Variants in IFTAP observed in about 807,000 individuals in gnomAD.
IFTAP encodes the protein intraflagellar transport-associated protein.
In IFTAP, 19 loss-of-function variants were observed where a neutral mutation model predicts 19.4. That is an observed-to-expected ratio of 0.98 (90% CI 0.68 to 1.44). The LOEUF is 1.44. Ranked by LOEUF, IFTAP falls within the 40% of genes most tolerant of loss-of-function variation. IFTAP has a pLI of 0.00. For missense variants in IFTAP, 240 were observed against 253.6 expected (o/e 0.95, Z 0.36); for synonymous variants, 85 against 83.5 (o/e 1.02, Z -0.10).
At chr11:36,608,384 T>C (rs1402726958) in intron 1 of IFTAP, among the ~76,000 whole-genome samples, 3 of 152,232 alleles carry the variant, frequency 2.0e-5, no homozygotes, top group Non-Finnish European at 2.9e-5. Context: ...TTGTTTCAGA[T>C]AGAAGGAAGC....
At chr11:36,610,534 C>T (rs996212151) in intron 2 of IFTAP, among the ~76,000 whole-genome samples, 1 of 151,918 alleles carries the variant, frequency 6.6e-6, no homozygotes, top group East Asian at 1.9e-4. Context: ...AAGCCAAATG[C>T]AAAGAGTGGA....
Position 36,633,446 on chromosome 11 carries a change from C to A in IFTAP, c.291+8C>A. Reference sequence around the variant, plus strand: ...CAATGTTTGGAAGAACAGGTAATACCAACATAGTACATGTATAGAAACAAT... The same window carrying A: ...CAATGTTTGGAAGAACAGGTAATACAAACATAGTACATGTATAGAAACAAT... On this transcript the variant is annotated splice_region_variant and intron_variant, in intron 3 of 5. Coordinates refer to ENST00000334307, the MANE Select transcript of IFTAP (RefSeq NM_138787.4). 1 of 1,550,482 alleles carries A rather than the reference C, an allele frequency of 6.4e-7. No homozygotes were observed. The highest frequency in any genetic ancestry group is 8.7e-7 in the Non-Finnish European group (1 of 1,151,038).
At chr11:36,620,452 C>T (rs1290693176) in intron 2 of IFTAP, among the ~76,000 whole-genome samples, 1 of 151,966 alleles carries the variant, frequency 6.6e-6, no homozygotes, top group Non-Finnish European at 1.5e-5. Context: ...TTATGAAACA[C>T]ACAAAAATTG....
chr11:36,600,180 T>C (rs1216766380), intron 1 of IFTAP, among the ~76,000 whole-genome samples: 1 of 152,212 alleles, frequency 6.6e-6, no homozygotes, highest in Non-Finnish European at 1.5e-5. Flanking sequence ...TGAAACTAAA[T>C]ATAAAATAGT....
At chr11:36,635,766 A>C (rs574957033) in intron 3 of IFTAP, among the ~76,000 whole-genome samples, 2 of 152,332 alleles carry the variant, frequency 1.3e-5, no homozygotes, top group African/African-American at 4.8e-5. Flanking sequence ...ATCTGGAACA[A>C]AGTCCCTTTT....
At chr11:36,652,833 C>T (rs573912175) in intron 5 of IFTAP, among the ~76,000 whole-genome samples, 2 of 152,106 alleles carry the variant, frequency 1.3e-5, no homozygotes, top group African/African-American at 4.8e-5. Flanking sequence ...ACTGGTTCTA[C>T]ACACATACAT....
chr11:36,642,596 C>T (rs770363988), intron 4 of IFTAP, among the ~76,000 whole-genome samples: 2 of 152,054 alleles, frequency 1.3e-5, no homozygotes, highest in Non-Finnish European at 2.9e-5. Flanking sequence ...AACATCGATG[C>T]AAAAATCCTC....
At chr11:36,624,372 G>A (rs1423872058) in intron 2 of IFTAP, among the ~76,000 whole-genome samples, 1 of 152,196 alleles carries the variant, frequency 6.6e-6, no homozygotes, top group Non-Finnish European at 1.5e-5. Context: ...TCAATGAGAT[G>A]TGAGGGGCAC....
At chr11:36,640,966 G>T (rs116408946) in intron 4 of IFTAP, among the ~76,000 whole-genome samples, 1,876 of 152,248 alleles carry the variant, frequency 0.012, 33 homozygotes, top group African/African-American at 0.043. Flanking sequence ...CAAGTTTTCA[G>T]AATGCTCATG....
intron 4 of IFTAP, among the ~76,000 whole-genome samples, chr11:36,646,706 G>A (rs142108519): frequency 1.5e-4 from 23 of 152,272 alleles, no homozygotes; most frequent in African/African-American, 4.8e-4. Flanking sequence ...CAGCTCTGCC[G>A]TTTTTAGCTG....
intron 4 of IFTAP, among the ~76,000 whole-genome samples, chr11:36,640,187 A>T (rs953207627): frequency 3.3e-5 from 5 of 152,176 alleles, no homozygotes; most frequent in Admixed American, 6.5e-5. Context: ...TTGGCAGGTC[A>T]TGTGTTGATG....
intron 5 of IFTAP, among the ~76,000 whole-genome samples, chr11:36,654,083 T>C (rs1323783989): frequency 1.3e-5 from 2 of 152,298 alleles, no homozygotes; most frequent in East Asian, 3.9e-4. Context: ...TATGTCTCTC[T>C]TTTCATCCAG....
intron 2 of IFTAP, among the ~76,000 whole-genome samples, chr11:36,631,332 A>G (rs1041158947): frequency 6.6e-6 from 1 of 151,342 alleles, no homozygotes; most frequent in African/African-American, 2.5e-5. Flanking sequence ...GAACTTTTTA[A>G]AGAGAACGTG....
intron 5 of IFTAP, among the ~76,000 whole-genome samples, chr11:36,653,624 T>A (rs960354650): frequency 5.9e-5 from 9 of 152,248 alleles, no homozygotes; most frequent in Non-Finnish European, 1.2e-4. Flanking sequence ...TACATAGAAA[T>A]GCAACCTTTC....
intron 5 of IFTAP, among the ~76,000 whole-genome samples, chr11:36,652,094 C>G (rs988852591): frequency 6.6e-6 from 1 of 152,194 alleles, no homozygotes; most frequent in African/African-American, 2.4e-5. Context: ...TGAAGAAAGT[C>G]ATTGGTAGCT....
intron 1 of IFTAP, among the ~76,000 whole-genome samples, chr11:36,606,445 A>G (rs1409843643): frequency 6.6e-6 from 1 of 152,042 alleles, no homozygotes; most frequent in Non-Finnish European, 1.5e-5. Context: ...CTGTCTCTAA[A>G]TAAATAAATA....
intron 2 of IFTAP, among the ~76,000 whole-genome samples, chr11:36,627,162 A>G (rs1479097100): frequency 6.6e-6 from 1 of 151,244 alleles, no homozygotes; most frequent in Non-Finnish European, 1.5e-5. Context: ...AAATAGATTA[A>G]TGGTTGCCTG....
At chr11:36,654,839 C>G (rs1040747977) in intron 5 of IFTAP, among the ~76,000 whole-genome samples, 1 of 152,084 alleles carries the variant, frequency 6.6e-6, no homozygotes, top group Non-Finnish European at 1.5e-5. Context: ...GTCCCCTGTT[C>G]TCATGATCTC....
At chr11:36,597,651 C>CTG (rs1851326486) in intron 1 of IFTAP, 1 of 152,118 alleles carries the variant, frequency 6.6e-6, no homozygotes, top group Non-Finnish European at 1.5e-5. Context: ...AAGAAAGATA[C>CTG]TGTACTGTGA....
Sources: allele counts gnomAD v4.1 joint callset (sites outside exome capture counted in the v4.1 genomes callset), GRCh38; gene constraint gnomAD v4.1.1; transcripts MANE v1.5; gene names NCBI Gene and HGNC (gene_info 2026-07-23, HGNC 2026-07-21).